The following BANK1 variants were observed in gnomAD, a reference collection of about 807,000 sequenced individuals.
The protein encoded by BANK1 is B cell scaffold protein with ankyrin repeats 1, also known as B-cell scaffold protein with ankyrin repeats.
In BANK1, 95 loss-of-function variants were observed where a neutral mutation model predicts 94.5. That is an observed-to-expected ratio of 1.00 (90% CI 0.85 to 1.19). The LOEUF is 1.19. Ranked by LOEUF, BANK1 falls within the 50% of genes most tolerant of loss-of-function variation. The pLI is 0.00. For synonymous variants in BANK1, 334 were observed against 308.4 expected (o/e 1.08, Z -0.87); for missense variants, 987 against 932.2 (o/e 1.06, Z -0.77).
chr4:102,017,525 C>T (rs573476720), intron 7 of BANK1, among the ~76,000 whole-genome samples: 2 of 152,268 alleles, frequency 1.3e-5, no homozygotes, highest in South Asian at 2.1e-4. Context: ...AGAGAGAAGC[C>T]TGGGGTGAGC....
chr4:101,928,253 T>A (rs1723228471), intron 7 of BANK1, among the ~76,000 whole-genome samples: 1 of 151,654 alleles, frequency 6.6e-6, no homozygotes, highest in Non-Finnish European at 1.5e-5. Flanking sequence ...CAAATACGTC[T>A]TATTAGCTGT....
chr4:102,016,976 A>G (rs1024248138), intron 7 of BANK1, among the ~76,000 whole-genome samples: 10 of 152,180 alleles, frequency 6.6e-5, no homozygotes, highest in African/African-American at 2.4e-4. Context: ...GAAACCCAGG[A>G]AAAGCAAATT....
At chr4:101,797,277 T>C (rs147293789) in intron 1 of BANK1, among the ~76,000 whole-genome samples, 6 of 152,266 alleles carry the variant, frequency 3.9e-5, no homozygotes, top group African/African-American at 1.2e-4. Flanking sequence ...TTTTTCAAGA[T>C]GTGACAAGGT....
chr4:101,833,260 T>G (rs1240659961), intron 2 of BANK1, among the ~76,000 whole-genome samples: 4 of 152,208 alleles, frequency 2.6e-5, no homozygotes, highest in African/African-American at 9.6e-5. Context: ...ACTACAGGCG[T>G]GAGCCACTGC....
intron 5 of BANK1, 151 bp from the exon 6 acceptor site, chr4:101,895,154 G>A: frequency 2.2e-6 from 1 of 450,068 alleles, no homozygotes; most frequent in Non-Finnish European, 4.0e-6. Flanking sequence ...AGGCCCTTAT[G>A]TTTTGATTTA....
At chr4:101,857,624 T>C (rs543463561) in intron 3 of BANK1, among the ~76,000 whole-genome samples, 2 of 152,328 alleles carry the variant, frequency 1.3e-5, no homozygotes, top group East Asian at 3.9e-4. Flanking sequence ...AGCACTGCTC[T>C]TTTCCACAGA....
intron 6 of BANK1, among the ~76,000 whole-genome samples, chr4:101,917,643 C>T (rs775847318): frequency 2.4e-4 from 36 of 151,698 alleles, no homozygotes; most frequent in Admixed American, 5.9e-4. Flanking sequence ...TGCAGAATTT[C>T]GTTATTTAGC....
At chr4:101,816,369 T>C (rs939227184) in intron 1 of BANK1, among the ~76,000 whole-genome samples, 3 of 152,208 alleles carry the variant, frequency 2.0e-5, no homozygotes, top group African/African-American at 7.2e-5. Context: ...GTTTGTTCAA[T>C]GTAGTTCCAT....
intron 1 of BANK1, among the ~76,000 whole-genome samples, chr4:101,816,567 T>G (rs1725925370): frequency 6.6e-6 from 1 of 151,652 alleles, no homozygotes; most frequent in Non-Finnish European, 1.5e-5. Context: ...CTTTTTTTTT[T>G]TTTTTCTGTT....
chr4:101,925,162 T>C (rs1356327830), intron 7 of BANK1, among the ~76,000 whole-genome samples: 3 of 151,640 alleles, frequency 2.0e-5, no homozygotes, highest in Non-Finnish European at 4.4e-5. Context: ...TAGTATTTAT[T>C]TGAATATCTA....
chr4:101,890,534 C>T (rs1721825305), intron 5 of BANK1, among the ~76,000 whole-genome samples: 1 of 149,106 alleles, frequency 6.7e-6, no homozygotes, highest in African/African-American at 2.4e-5. Flanking sequence ...TCTACTTAAA[C>T]CTGCTAATTT....
At chr4:102,023,796 TG>T (rs1423370074) in intron 8 of BANK1, among the ~76,000 whole-genome samples, 4 of 152,246 alleles carry the variant, frequency 2.6e-5, no homozygotes, top group African/African-American at 9.6e-5. Flanking sequence ...ATAGCGTGAA[TG>T]TAATTCTGAG....
At chr4:101,861,158 T>A (rs1176106135) in intron 3 of BANK1, among the ~76,000 whole-genome samples, 4 of 152,208 alleles carry the variant, frequency 2.6e-5, no homozygotes, top group African/African-American at 4.8e-5. Context: ...ATGAGCGTTG[T>A]AAATTCTGAG....
At chr4:101,939,935 G>A (rs935660300) in intron 7 of BANK1, among the ~76,000 whole-genome samples, 7 of 151,670 alleles carry the variant, frequency 4.6e-5, no homozygotes, top group African/African-American at 1.7e-4. Flanking sequence ...AGCTTTTCTG[G>A]TGCTATTCAA....
chr4:102,018,533 T>A (rs1726788532), intron 7 of BANK1, among the ~76,000 whole-genome samples: 1 of 152,258 alleles, frequency 6.6e-6, no homozygotes, highest in African/African-American at 2.4e-5. Context: ...CATGTGGAAC[T>A]TCATATACCT....
chr4:102,024,486 G>T (rs532608575), intron 8 of BANK1, among the ~76,000 whole-genome samples: 1 of 151,824 alleles, frequency 6.6e-6, no homozygotes, highest in Non-Finnish European at 1.5e-5. Flanking sequence ...AGCATTTACT[G>T]TATATAATAT....
At chr4:101,877,681 T>C (rs1020568357) in intron 5 of BANK1, among the ~76,000 whole-genome samples, 5 of 152,040 alleles carry the variant, frequency 3.3e-5, no homozygotes, top group Admixed American at 2.0e-4. Flanking sequence ...GGTCAGGAGT[T>C]TGAGTCCAGC....
At chr4:101,810,185 A>G (rs1361077184) in intron 1 of BANK1, among the ~76,000 whole-genome samples, 1 of 152,200 alleles carries the variant, frequency 6.6e-6, no homozygotes, top group Non-Finnish European at 1.5e-5. Context: ...GCAAGTAAAT[A>G]TATTGATTCC....
intron 2 of BANK1, among the ~76,000 whole-genome samples, chr4:101,848,702 A>T (rs1432900756): frequency 6.6e-6 from 1 of 152,256 alleles, no homozygotes; most frequent in African/African-American, 2.4e-5. Context: ...TAGCTATTCA[A>T]TCGTGATAGT....
Sources: gnomAD v4.1 joint callset for allele counts (sites outside exome capture counted in the v4.1 genomes callset) on GRCh38, gnomAD v4.1.1 for gene constraint, MANE v1.5 for transcripts, NCBI Gene and HGNC (gene_info 2026-07-23, HGNC 2026-07-21) for gene names.